LRRTM4: variants seen among roughly 807,000 people sequenced by gnomAD.
LRRTM4 encodes the protein leucine-rich repeat transmembrane neuronal protein 4.
In LRRTM4, 25 loss-of-function variants were observed where a neutral mutation model predicts 47.6. That is an observed-to-expected ratio of 0.53 (90% CI 0.38 to 0.73). LRRTM4 has a LOEUF of 0.73. Ranked by LOEUF, LRRTM4 falls within the 30% of genes least tolerant of loss-of-function variation. The pLI is 0.00. For synonymous variants in LRRTM4, 311 were observed against 269.5 expected (o/e 1.15, Z -1.51); for missense variants, 638 against 713.4 (o/e 0.89, Z 1.20).
chr2:77,135,705 A>T (rs1671917416), intron 3 of LRRTM4, among the ~76,000 whole-genome samples: 1 of 152,176 alleles, frequency 6.6e-6, no homozygotes, highest in African/African-American at 2.4e-5. Flanking sequence ...AAGGAAGTCT[A>T]CTGTTGTGAA....
chr2:77,455,848 C>T (rs143761664), intron 3 of LRRTM4, among the ~76,000 whole-genome samples: 2 of 152,194 alleles, frequency 1.3e-5, no homozygotes, highest in East Asian at 1.9e-4. Flanking sequence ...TTTGGAACAG[C>T]CCACTCTCCC....
chr2:77,298,990 A>C (rs1677048877), intron 3 of LRRTM4, among the ~76,000 whole-genome samples: 1 of 152,182 alleles, frequency 6.6e-6, no homozygotes, highest in African/African-American at 2.4e-5. Flanking sequence ...AAGATGATGC[A>C]TAAAATCGTT....
Position 76,837,602 on chromosome 2 carries a change from T to A in LRRTM4, c.1552-88686A>T, listed in dbSNP as rs184964022. Among the ~76,000 whole-genome samples the A allele has an allele frequency of 2.4e-3, 367 of 152,154 alleles. 5 individuals carry two copies. Among genetic ancestry groups the A allele is most frequent in the African/African-American group, 8.5e-3 (354 of 41,528 alleles). On this transcript the variant is annotated intron_variant, in intron 3 of 3. Coordinates refer to ENST00000409884, the MANE Select transcript of LRRTM4 (RefSeq NM_001134745.3). ...CATTACTGGGTATATACCCAAAGGA[T>A]TATAAATCATGCTGCTATAAAGACA... is the stretch of plus-strand genomic sequence containing the variant.
Position 76,909,155 on chromosome 2 carries a change from A to C in LRRTM4, c.1552-160239T>G, listed in dbSNP as rs183018542. ...TGGCACCAAAACAGAGATATAGATC[A>C]ATGGAACAGAACAGAGCCCTCAGAA... On this transcript the variant is annotated intron_variant, in intron 3 of 3. Transcript: ENST00000409884. 4.2e-3 allele frequency among the ~76,000 whole-genome samples: 646 copies of C among 152,330 alleles called. 1 individual carries two copies. The highest frequency in any genetic ancestry group is 0.015 in the African/African-American group (625 of 41,566).
chr2:76,905,935 C>T (rs1673819132), intron 3 of LRRTM4, among the ~76,000 whole-genome samples: 1 of 151,978 alleles, frequency 6.6e-6, no homozygotes, highest in African/African-American at 2.4e-5. Flanking sequence ...GGATATTATC[C>T]AAGAGAACTT....
chr2:76,766,405 A>G (rs894372977), intron 3 of LRRTM4, among the ~76,000 whole-genome samples: 5 of 152,120 alleles, frequency 3.3e-5, no homozygotes, highest in African/African-American at 9.7e-5. Context: ...TTGTCTTTCT[A>G]TGTTATCCCA....
At chr2:76,940,318 G>A (rs1675092408) in intron 3 of LRRTM4, among the ~76,000 whole-genome samples, 1 of 152,150 alleles carries the variant, frequency 6.6e-6, no homozygotes, top group Non-Finnish European at 1.5e-5. Flanking sequence ...AAAAAAGAAT[G>A]AGATCATGTC....
intron 3 of LRRTM4, among the ~76,000 whole-genome samples, chr2:77,499,500 A>G (rs1285692987): frequency 6.6e-6 from 1 of 151,902 alleles, no homozygotes; most frequent in African/African-American, 2.4e-5. Context: ...GGAATAAAGA[A>G]TTCAAAATAA....
chr2:77,049,905 T>C (rs1405688207), intron 3 of LRRTM4, among the ~76,000 whole-genome samples: 2 of 152,074 alleles, frequency 1.3e-5, no homozygotes, highest in Non-Finnish European at 2.9e-5. Flanking sequence ...TCTGTATATA[T>C]TTTGCTTCGT....
rs544423626 is a variant in LRRTM4, at chr2:76,782,217, C to T, written c.1552-33301G>A. On this transcript the variant is annotated intron_variant, in intron 3 of 3. Transcript: ENST00000409884. ...TACGGGCCTGCTGATGTTGCTGCAG[C>T]GATGGCTTCACAAATTTCCTTTCCT... Among the ~76,000 whole-genome samples, 7 of 152,298 alleles carry T rather than the reference C, an allele frequency of 4.6e-5. No individual in the cohort carries two copies. In the East Asian group the frequency reaches 1.2e-3, roughly 25 times the overall value.
intron 3 of LRRTM4, among the ~76,000 whole-genome samples, chr2:76,870,463 G>GA (rs202079308): frequency 2.6e-4 from 39 of 150,970 alleles, no homozygotes; most frequent in East Asian, 1.6e-3. Flanking sequence ...GGGAAAAAAG[G>GA]AAAAAAAACC....
rs1169729852 is a variant in LRRTM4, at chr2:77,083,791, T to G, written c.1552-334875A>C. Among the ~76,000 whole-genome samples, 114 of 54,126 alleles carry G rather than the reference T, an allele frequency of 2.1e-3. 4 individuals carry two copies. Among genetic ancestry groups the G allele is most frequent in the African/African-American group, 0.014 (107 of 7,770 alleles). 35.5% of individuals were successfully genotyped at this position (54,126 alleles called of 152,430 possible). A position where few individuals can be genotyped will look rare whatever the true frequency, so the allele number is the denominator to read the frequency against. ...ATTTTTAACTGGACACACTTTTTTT[T>G]TTTTTTTTTTTTTTTTTTTTTTTTT... On this transcript the variant is annotated intron_variant, in intron 3 of 3. Coordinates refer to ENST00000409884, the MANE Select transcript of LRRTM4 (RefSeq NM_001134745.3).
intron 3 of LRRTM4, among the ~76,000 whole-genome samples, chr2:76,763,759 TTGG>T (rs1673349791): frequency 6.6e-6 from 1 of 152,098 alleles, no homozygotes; most frequent in Non-Finnish European, 1.5e-5. Context: ...GAAGAGTTTG[TTGG>T]TAGAAATATA....
intron 3 of LRRTM4, among the ~76,000 whole-genome samples, chr2:77,097,734 A>G (rs1670848264): frequency 6.6e-6 from 1 of 152,008 alleles, no homozygotes; most frequent in Non-Finnish European, 1.5e-5. Flanking sequence ...GTGGGGAAAA[A>G]CATGTGTGAA....
intron 3 of LRRTM4, among the ~76,000 whole-genome samples, chr2:77,042,824 C>T (rs1056810645): frequency 1.3e-5 from 2 of 151,746 alleles, no homozygotes; most frequent in African/African-American, 4.8e-5. Context: ...TTTACCTCCT[C>T]AACCAACTTT....
intron 3 of LRRTM4, among the ~76,000 whole-genome samples, chr2:76,913,324 G>T (rs576186934): frequency 1.3e-5 from 2 of 151,562 alleles, no homozygotes; most frequent in African/African-American, 2.4e-5. Context: ...TTTTTCTAAA[G>T]TGAGTGATAT....
chr2:77,229,083 G>A (rs1472211791), intron 3 of LRRTM4, among the ~76,000 whole-genome samples: 1 of 151,930 alleles, frequency 6.6e-6, no homozygotes, highest in Admixed American at 6.6e-5. Context: ...CATTCATCAT[G>A]CCCCCTCCCT....
At chr2:76,963,874 T>C (rs986650926) in intron 3 of LRRTM4, among the ~76,000 whole-genome samples, 4 of 150,734 alleles carry the variant, frequency 2.7e-5, no homozygotes, top group African/African-American at 9.7e-5. Context: ...ACCATAATTA[T>C]ATAATTTTAA....
At chr2:76,809,274 T>C (rs1310370113) in intron 3 of LRRTM4, among the ~76,000 whole-genome samples, 2 of 152,180 alleles carry the variant, frequency 1.3e-5, no homozygotes, top group Non-Finnish European at 2.9e-5. Flanking sequence ...CTTTACACCT[T>C]ATAAAATAGC....
Sources: allele counts gnomAD v4.1 joint callset (sites outside exome capture counted in the v4.1 genomes callset), GRCh38; gene constraint gnomAD v4.1.1; transcripts MANE v1.5; gene names NCBI Gene and HGNC (gene_info 2026-07-23, HGNC 2026-07-21).